The following RYR1 variants were observed in gnomAD, a reference collection of about 807,000 sequenced individuals.
RYR1 encodes the protein central core disease of muscle.
RYR1 carries 342 observed loss-of-function variants against 583.5 expected under a neutral mutation model. That is an observed-to-expected ratio of 0.59 (90% CI 0.54 to 0.64). The LOEUF (loss-of-function observed/expected upper bound fraction) is 0.64, where lower values mean the gene tolerates loss of function less well. RYR1 is among the 30% of genes least tolerant of loss of function. RYR1 has a pLI of 0.00. For missense variants in RYR1, 6,032 were observed against 6,917.2 expected (o/e 0.87, Z 4.54); for synonymous variants, 2,791 against 2,822.5 (o/e 0.99, Z 0.35).
In RYR1 at chr19:38,455,255, G is replaced by C; in HGVS notation, c.1461G>C (p.Leu487=). Residue 487 remains leucine (L), a synonymous_variant, in exon 14 of 106, where the codon CTG becomes CTC. Coordinates refer to ENST00000359596, the MANE Select transcript of RYR1 (RefSeq NM_000540.3). ...CCTAGGGGATGCTCTCCATGGTCCT[G>C]AATTGCATAGACCGCCTAAATGTCT... ...FQEEGMLSMV[L]NCIDRLNVYT... is the part of the protein sequence containing the mutation. The C allele has an allele frequency of 6.2e-7, 1 of 1,614,110 alleles. No individual in the cohort carries two copies. Among genetic ancestry groups the C allele is most frequent in the Non-Finnish European group, 8.5e-7 (1 of 1,180,010 alleles).
In RYR1 at chr19:38,494,453, C is replaced by T. The variant is rs1265086155; in HGVS notation, c.6376C>T (p.Arg2126Trp). The change falls in exon 39 of 106, where the codon CGG becomes TGG. Residue 2126 changes from arginine to tryptophan, a missense_variant. Physicochemically the swap from Arg to Trp is moderately radical, Grantham distance 101 (BLOSUM62 -3). Transcript: ENST00000359596. The stretch of plus-strand genomic sequence containing the variant: ...GCGGGCCATGTTCAGCCTCCTGCAC[C>T]GGCAGTACGACGGGCTGGGTGAGCT... Reference protein sequence around the residue: ...LVRAMFSLLHRQYDGLGELLR... With the variant: ...LVRAMFSLLHWQYDGLGELLR... The T allele has an allele frequency of 3.7e-6, 6 of 1,612,670 alleles. No individual in the cohort carries two copies. Among genetic ancestry groups the T allele is most frequent in the Non-Finnish European group, 3.4e-6 (4 of 1,180,016 alleles).
intron 28 of RYR1, among the ~76,000 whole-genome samples, chr19:38,474,056 C>T (rs1486911178): frequency 6.6e-6 from 1 of 152,164 alleles, no homozygotes; most frequent in Non-Finnish European, 1.5e-5. Context: ...GCCCAATGGA[C>T]CTTATCATCC....
chr19:38,488,069 A>G (rs1438541668), intron 34 of RYR1, among the ~76,000 whole-genome samples: 1 of 152,128 alleles, frequency 6.6e-6, no homozygotes, highest in East Asian at 1.9e-4. Flanking sequence ...ATCTTGCCTC[A>G]GCCTCCCGAA....
intron 65 of RYR1, 57 bp from the exon 66 acceptor site, chr19:38,517,302 G>T: frequency 6.4e-7 from 1 of 1,564,206 alleles, no homozygotes; most frequent in South Asian, 1.1e-5. Context: ...GGAGGCCAGG[G>T]CACTGAGGTC....
chr19:38,497,685 C>T (rs1404735377), intron 42 of RYR1, among the ~76,000 whole-genome samples: 5 of 152,118 alleles, frequency 3.3e-5, no homozygotes, highest in African/African-American at 7.2e-5. Context: ...GTCAAAAATC[C>T]CTGTCTGGCC....
rs1367987920 is a variant in RYR1, at chr19:38,561,989, G to T, written c.12624+535G>T. On this transcript the variant is annotated intron_variant, in intron 90 of 105. Coordinates refer to ENST00000359596, the MANE Select transcript of RYR1 (RefSeq NM_000540.3). This position sits in a 1 kb window ranked among gnomAD's most constrained non-coding sequence, Gnocchi z 4.8. ...TCACCAGTCATCACGTTTGCCCCCA[G>T]ATGCCTTCTGAAGTCCTAGCATATG... Among the ~76,000 whole-genome samples, 4 of 152,006 alleles carry T rather than the reference G, an allele frequency of 2.6e-5. No individual in the cohort carries two copies. The highest frequency in any genetic ancestry group is 7.2e-5 in the African/African-American group (3 of 41,390).
At chr19:38,586,766 T>A (rs1231376238) in intron 105 of RYR1, among the ~76,000 whole-genome samples, 190 bp downstream of exon 105, 1 of 151,336 alleles carries the variant, frequency 6.6e-6, no homozygotes, top group Admixed American at 6.6e-5. Flanking sequence ...AGGTCAGGAG[T>A]TCAAGACCAG....
At chr19:38,563,121 C>T (rs1973229535) in intron 90 of RYR1, among the ~76,000 whole-genome samples, 2 of 152,214 alleles carry the variant, frequency 1.3e-5, no homozygotes, top group Non-Finnish European at 2.9e-5. Flanking sequence ...CATACAAACA[C>T]TCTTTGCCTT....
intron 60 of RYR1, among the ~76,000 whole-genome samples, chr19:38,511,351 C>A (rs1165416227): frequency 6.6e-6 from 1 of 151,974 alleles, no homozygotes; most frequent in African/African-American, 2.4e-5. Flanking sequence ...CTCACCTCCC[C>A]AGCATCCCAG....
intron 36 of RYR1, 108 bp from the exon 37 acceptor site, chr19:38,490,513 C>T (rs1450814349): frequency 1.4e-5 from 12 of 833,030 alleles, no homozygotes; most frequent in Middle Eastern, 2.2e-4. Context: ...ACTCACACTT[C>T]GACTCATGAC....
intron 67 of RYR1, among the ~76,000 whole-genome samples, chr19:38,520,480 A>AGATCAAACACCTCAG (rs1971177691): frequency 6.6e-6 from 1 of 151,236 alleles, no homozygotes; most frequent in Admixed American, 6.6e-5. Context: ...AGATCACCTG[A>AGATCAAACACCTCAG]GGTCAGGTGT....
intron 27 of RYR1, among the ~76,000 whole-genome samples, chr19:38,470,468 G>A (rs1968366752): frequency 2.0e-5 from 3 of 150,500 alleles, no homozygotes; most frequent in Non-Finnish European, 4.4e-5. Context: ...AGCTGGGCAT[G>A]GTGGCTCATG....
intron 69 of RYR1, 48 bp from the exon 70 acceptor site, chr19:38,523,867 G>T: frequency 6.2e-7 from 1 of 1,613,828 alleles, no homozygotes; most frequent in Non-Finnish European, 8.5e-7. Flanking sequence ...GCTTCTCTGC[G>T]GGGCTGGGGT....
At chr19:38,570,561 G>A (rs1490176389) in intron 93 of RYR1, 46 bp from the exon 94 acceptor site, 7 of 1,446,244 alleles carry the variant, frequency 4.8e-6, no homozygotes, top group Middle Eastern at 3.5e-4. Context: ...CTCCAGGGAA[G>A]AGGCTGATCT....
chr19:38,497,450 G>T (rs919961697), intron 42 of RYR1, among the ~76,000 whole-genome samples: 4 of 152,222 alleles, frequency 2.6e-5, no homozygotes, highest in African/African-American at 7.2e-5. Flanking sequence ...CTCCCTGGCT[G>T]TGTGGCCTTG....
chr19:38,523,803 CA>C, intron 69 of RYR1, 111 bp from the exon 70 acceptor site: 1 of 1,400,100 alleles, frequency 7.1e-7, no homozygotes, highest in Non-Finnish European at 1.0e-6. Flanking sequence ...CTAGAGAATA[CA>C]TGGCGGGTGG....
At position 38,522,072 on chromosome 19, in the gene RYR1, G is replaced by A. The variant is rs181571612; in HGVS notation, c.10260-956G>A. Reference sequence around the variant, plus strand: ...GAATATGGATGATTTTTCAGGAGGAGGAAGGGGGAGTGGCTGGGAGGGGCC... The same window carrying A: ...GAATATGGATGATTTTTCAGGAGGAAGAAGGGGGAGTGGCTGGGAGGGGCC... On this transcript the variant is annotated intron_variant, in intron 67 of 105. Coordinates refer to ENST00000359596, the MANE Select transcript of RYR1 (RefSeq NM_000540.3). Among the ~76,000 whole-genome samples, 658 of 152,192 alleles carry A rather than the reference G, an allele frequency of 4.3e-3. 4 individuals carry two copies. The highest frequency in any genetic ancestry group is 0.015 in the African/African-American group (619 of 41,540).
intron 2 of RYR1, among the ~76,000 whole-genome samples, chr19:38,441,194 CAGA>C (rs1481046261): frequency 8.1e-6 from 1 of 123,596 alleles, no homozygotes; most frequent in African/African-American, 3.2e-5. Context: ...CCTGAGAGTC[CAGA>C]AGAAGGGCTG....
rs933347966 is a variant in RYR1 at position 38,473,677 on chromosome 19, G to C, written c.4066G>C (p.Ala1356Pro). Residue 1356 changes from alanine (A) to proline (P), a missense_variant, in exon 28 of 106, where the codon GCC (alanine) becomes CCC (proline). By Grantham distance (27) the Ala-to-Pro change is conservative. This residue lies in a region of RYR1 where 2,627 missense variants were observed against 2,961.3 expected (regional missense o/e 0.89). Coordinates refer to ENST00000359596, the MANE Select transcript of RYR1 (RefSeq NM_000540.3). ...NGKEGTAKEG[A>P]PGGTPQAGGE... ...CAAAGAAGGGACTGCGAAGGAGGGCGCCCCCGGGGGCACCCCGCAGGCGGG... is the reference window on the plus strand; with the variant it reads ...CAAAGAAGGGACTGCGAAGGAGGGCCCCCCCGGGGGCACCCCGCAGGCGGG... The C allele has an allele frequency of 3.2e-6, 5 of 1,550,758 alleles. No individual in the cohort carries two copies. The African/African-American group carries it at 4.1e-5, about 13-fold the overall frequency.
Sources: allele counts gnomAD v4.1 joint callset (sites outside exome capture counted in the v4.1 genomes callset), GRCh38; gene constraint gnomAD v4.1.1; regional missense constraint gnomAD v4.1.1; non-coding constraint Gnocchi (gnomAD v3.1); transcripts MANE v1.5; gene names NCBI Gene and HGNC (gene_info 2026-07-23, HGNC 2026-07-21).